Variants in DLGAP1 observed in about 807,000 individuals in gnomAD.
DLGAP1 encodes the protein DLG associated protein 1.
Under a neutral mutation model 90.8 loss-of-function variants are expected in DLGAP1, and 11 were observed. The ratio of observed to expected loss-of-function variants is 0.12; its 90% confidence interval spans 0.08 to 0.20. The LOEUF (loss-of-function observed/expected upper bound fraction) is 0.20, where lower values mean the gene tolerates loss of function less well. DLGAP1 is among the 10% of genes least tolerant of loss of function. The probability of loss-of-function intolerance (pLI) is 1.00; values close to 1 mark genes in which losing one functional copy is unlikely to be tolerated. For synonymous variants in DLGAP1, 558 were observed against 540.7 expected (o/e 1.03, Z -0.44); for missense variants, 1,050 against 1,333.8 (o/e 0.79, Z 3.31).
In DLGAP1 at chr18:3,799,384, T is replaced by TTCTGCG. The variant is rs548638988; in HGVS notation, c.1172+14669_1172+14674dup. On this transcript the variant is annotated intron_variant, in intron 5 of 12. Transcript: ENST00000315677. ...GAGTGTGGCTAAGGCGTGCTGTCCCTTCTGCGGGGGTTTCTTCATAGCGTT... is the reference window on the plus strand; with the variant it reads ...GAGTGTGGCTAAGGCGTGCTGTCCCTTCTGCGTCTGCGGGGGTTTCTTCATAGCGTT... 9.9e-5 allele frequency among the ~76,000 whole-genome samples: 15 copies of TTCTGCG among 152,228 alleles called. No individual in the cohort carries two copies. In the South Asian group the frequency reaches 3.1e-3, roughly 32 times the overall value.
At chr18:3,890,703 T>C (rs2071436636) in intron 3 of DLGAP1, among the ~76,000 whole-genome samples, 1 of 152,240 alleles carries the variant, frequency 6.6e-6, no homozygotes, top group African/African-American at 2.4e-5. Flanking sequence ...ATTCATTGTT[T>C]CTGGATTAAA....
At chr18:4,251,036 CA>C (rs568955068) in intron 1 of DLGAP1, among the ~76,000 whole-genome samples, 94 of 152,120 alleles carry the variant, frequency 6.2e-4, no homozygotes, top group African/African-American at 2.2e-3. Flanking sequence ...TATAATGCCC[CA>C]GGAAACAGCG....
At chr18:4,209,872 C>T (rs1160370575) in intron 1 of DLGAP1, among the ~76,000 whole-genome samples, 2 of 152,162 alleles carry the variant, frequency 1.3e-5, no homozygotes, top group Non-Finnish European at 2.9e-5. Flanking sequence ...AAAGCAAGGA[C>T]ACAAAATATT....
At chr18:4,045,532 G>T (rs969660267) in intron 2 of DLGAP1, among the ~76,000 whole-genome samples, 1 of 147,996 alleles carries the variant, frequency 6.8e-6, no homozygotes, top group Non-Finnish European at 1.5e-5. Flanking sequence ...CTGGGAGGTT[G>T]AGGCTGCAGT....
At chr18:4,368,173 C>A (rs562017670) in intron 1 of DLGAP1, among the ~76,000 whole-genome samples, 11 of 152,090 alleles carry the variant, frequency 7.2e-5, no homozygotes, top group Non-Finnish European at 1.5e-4. Context: ...AAATTTTGTT[C>A]TAAAATTTAA....
chr18:3,707,129 TACCCACCTGA>T (rs2061459100), intron 7 of DLGAP1, among the ~76,000 whole-genome samples: 1 of 152,234 alleles, frequency 6.6e-6, no homozygotes, highest in Non-Finnish European at 1.5e-5. Context: ...ATCTCTTATT[TACCCACCTGA>T]ACCCACCTAT....
intron 4 of DLGAP1, among the ~76,000 whole-genome samples, chr18:3,861,550 C>A (rs2070062494): frequency 6.6e-6 from 1 of 152,156 alleles, no homozygotes; most frequent in Non-Finnish European, 1.5e-5. Flanking sequence ...CAATCTTGCA[C>A]ATCCTACAGG....
chr18:4,362,582 G>A (rs941278511), intron 1 of DLGAP1, among the ~76,000 whole-genome samples: 9 of 152,104 alleles, frequency 5.9e-5, no homozygotes, highest in East Asian at 1.9e-4. Flanking sequence ...GAAGATGTGG[G>A]AAATGGAAAG....
At chr18:4,028,600 G>C (rs1353969998) in intron 2 of DLGAP1, among the ~76,000 whole-genome samples, 1 of 152,082 alleles carries the variant, frequency 6.6e-6, no homozygotes, top group Non-Finnish European at 1.5e-5. Context: ...ATATAAATAT[G>C]TCAATACAAA....
At chr18:3,570,624 TC>T (rs1436331713) in intron 8 of DLGAP1, among the ~76,000 whole-genome samples, 5 of 151,862 alleles carry the variant, frequency 3.3e-5, no homozygotes, top group Admixed American at 3.3e-4. Flanking sequence ...CTCCTGTAGT[TC>T]CTTTTTCAAA....
At chr18:3,619,680 A>G (rs2058022730) in intron 7 of DLGAP1, among the ~76,000 whole-genome samples, 1 of 151,088 alleles carries the variant, frequency 6.6e-6, no homozygotes, top group African/African-American at 2.4e-5. Context: ...GAAGAAGGGG[A>G]AAATTTGGCT....
chr18:4,265,478 CTTCCTTCCT>C (rs1427637975), intron 1 of DLGAP1, among the ~76,000 whole-genome samples: 39 of 151,040 alleles, frequency 2.6e-4, no homozygotes, highest in African/African-American at 9.5e-4. Flanking sequence ...CCCTTCCTTC[CTTCCTTCCT>C]TTCCTTTCCT....
chr18:3,636,930 G>A lies in DLGAP1; in HGVS notation c.1592-54682C>T, dbSNP rs367788847. On this transcript the variant is annotated intron_variant, in intron 7 of 12. Transcript: ENST00000315677. ...AATAGAGACGGAGTTTCACCATGTT[G>A]GCCAGGATGGTCTCGATCTCCTGAC... Among the ~76,000 whole-genome samples the A allele has an allele frequency of 6.5e-3, 963 of 148,886 alleles. 20 individuals carry two copies. The highest frequency in any genetic ancestry group is 0.059 in the East Asian group (272 of 4,644).
At chr18:3,671,069 C>T (rs11872728) in intron 7 of DLGAP1, among the ~76,000 whole-genome samples, 37,889 of 152,056 alleles carry the variant, frequency 0.25, 5,177 homozygotes, top group African/African-American at 0.35. Context: ...TCCCTTCTTT[C>T]TTTTTCCCAC....
intron 1 of DLGAP1, among the ~76,000 whole-genome samples, chr18:4,382,015 A>T (rs1232445618): frequency 6.6e-6 from 1 of 152,134 alleles, no homozygotes; most frequent in Non-Finnish European, 1.5e-5. Context: ...AGACTTATTC[A>T]CCACCAAAAG....
At chr18:3,609,244 A>G (rs1391038043) in intron 7 of DLGAP1, among the ~76,000 whole-genome samples, 2 of 152,138 alleles carry the variant, frequency 1.3e-5, no homozygotes, top group Non-Finnish European at 2.9e-5. Flanking sequence ...ATATGGTCTC[A>G]CTATGTTGCC....
rs543317195 is a variant in DLGAP1, at chr18:4,044,572, C to G, written c.-158-39371G>C. Among the ~76,000 whole-genome samples the G allele has an allele frequency of 2.0e-5, 3 of 152,130 alleles. No homozygotes were observed. The South Asian group carries it at 6.2e-4, about 32-fold the overall frequency. On this transcript the variant is annotated intron_variant, in intron 2 of 12. Transcript: ENST00000315677. The stretch of plus-strand genomic sequence containing the variant: ...CCTGGCCAAGATGGTGAAACCCTGT[C>G]TCTACTAAAAATACAAAAATTAGCC...
At chr18:3,857,356 T>C (rs2069713549) in intron 4 of DLGAP1, among the ~76,000 whole-genome samples, 1 of 152,140 alleles carries the variant, frequency 6.6e-6, no homozygotes, top group African/African-American at 2.4e-5. Flanking sequence ...GAAATAGAAA[T>C]GAATATTCTA....
chr18:3,590,581 ACGGTGG>A (rs2056177059), intron 7 of DLGAP1, among the ~76,000 whole-genome samples: 1 of 152,162 alleles, frequency 6.6e-6, no homozygotes, highest in South Asian at 2.1e-4. Flanking sequence ...AGGGTCAGGT[ACGGTGG>A]CCCACACCTG....
Sources: allele counts gnomAD v4.1 joint callset (sites outside exome capture counted in the v4.1 genomes callset), GRCh38; gene constraint gnomAD v4.1.1; transcripts MANE v1.5; gene names NCBI Gene and HGNC (gene_info 2026-07-23, HGNC 2026-07-21).